Variants in BNC2 observed in about 807,000 individuals in gnomAD.
The protein encoded by BNC2 is zinc finger protein basonuclin-2.
BNC2 carries 20 observed loss-of-function variants against 76.3 expected under a neutral mutation model. The observed-to-expected ratio is 0.26, with a 90% CI of 0.18 to 0.38. The LOEUF (loss-of-function observed/expected upper bound fraction) is 0.38. Among genes scored for constraint, BNC2 ranks in the 10% least tolerant of loss-of-function variants. The pLI, the probability that BNC2 is intolerant of heterozygous loss-of-function variation, is 1.00. For synonymous variants in BNC2, 582 were observed against 514.8 expected, an observed-to-expected ratio of 1.13 and a Z score of -1.77; for missense variants, 1,382 against 1,399.8, an observed-to-expected ratio of 0.99 and a Z score of 0.20.
chr9:16,487,479 A>C (rs79668110), intron 5 of BNC2, among the ~76,000 whole-genome samples: 2,634 of 152,334 alleles, frequency 0.017, 75 homozygotes, highest in African/African-American at 0.059. Context: ...TTATTACAGT[A>C]CTGCACAGTG....
In BNC2 at chr9:16,830,122, A is replaced by G. The variant is rs544747718; in HGVS notation, c.3+40524T>C. Among the ~76,000 whole-genome samples the G allele has an allele frequency of 5.3e-5, 8 of 152,374 alleles. No homozygotes were observed. In the South Asian group the frequency reaches 1.7e-3, roughly 32 times the overall value. ...AAAAGCTTTTGAAACAACATATTCC[A>G]TATTTTCTTTCAAAAACTCCACACA... On this transcript the variant is annotated intron_variant, in intron 1 of 6. Coordinates refer to ENST00000380672, the MANE Select transcript of BNC2 (RefSeq NM_017637.6).
rs1452027681 is a variant in BNC2, at chr9:16,436,558, G to C, written c.1636C>G (p.Leu546Val). Residue 546 changes from leucine to valine, a missense_variant, in exon 6 of 7, where the codon CTA (leucine) becomes GTA (valine). Leu to Val is a conservative substitution (Grantham distance 32, BLOSUM62 1). Around this residue, in one of 3 missense-constraint regions of BNC2, gnomAD observed 798 missense variants for 775.5 expected, o/e 1.03. Transcript: ENST00000380672. ...AGAGGATTTTGCAAGACAGGGTCTA[G>C]AGGGGGAGTGGTAAAACCCATTGGG... Reference protein sequence around the residue: ...RPPMGFTTPPLDPVLQNPLPS... With the variant: ...RPPMGFTTPPVDPVLQNPLPS... 8.1e-6 allele frequency: 13 copies of C among 1,614,154 alleles called. No individual in the cohort carries two copies. The highest frequency in any genetic ancestry group is 1.1e-5 in the Non-Finnish European group (13 of 1,180,022).
chr9:16,471,619 G>A lies in BNC2; in HGVS notation c.670-34095C>T, dbSNP rs539748863. On this transcript the variant is annotated intron_variant, in intron 5 of 6. Coordinates refer to ENST00000380672, the MANE Select transcript of BNC2 (RefSeq NM_017637.6). ...TTGCTTTTGATTTTACAGGCCTGTA[G>A]GCGGAAGGGACTTTAGCCTTGTCTC... is the stretch of plus-strand genomic sequence containing the variant. Among the ~76,000 whole-genome samples the A allele has an allele frequency of 2.6e-5, 4 of 152,290 alleles. No homozygotes were observed. The South Asian group carries it at 6.2e-4, about 24-fold the overall frequency.
At chr9:16,761,618 T>C (rs1044921165) in intron 1 of BNC2, among the ~76,000 whole-genome samples, 1 of 152,202 alleles carries the variant, frequency 6.6e-6, no homozygotes, top group African/African-American at 2.4e-5. Flanking sequence ...TAAAGCAACA[T>C]ACTCGTAAGT....
chr9:16,455,230 G>A, intron 5 of BNC2, among the ~76,000 whole-genome samples: 1 of 152,198 alleles, frequency 6.6e-6, no homozygotes, highest in South Asian at 2.1e-4. Flanking sequence ...CCTGGCCAGA[G>A]TTTGAGATAT....
At chr9:16,636,437 G>A (rs1774388164) in intron 3 of BNC2, among the ~76,000 whole-genome samples, 2 of 151,846 alleles carry the variant, frequency 1.3e-5, no homozygotes, top group South Asian at 4.2e-4. Context: ...CAAGTAGCTG[G>A]GACTATAAGA....
intron 4 of BNC2, among the ~76,000 whole-genome samples, chr9:16,573,264 A>C (rs138425366): frequency 1.3e-3 from 199 of 152,016 alleles, no homozygotes; most frequent in African/African-American, 4.5e-3. Flanking sequence ...AAGAAATATA[A>C]TTCAAGCCAA....
At chr9:16,685,815 A>C (rs1405861474) in intron 3 of BNC2, among the ~76,000 whole-genome samples, 1 of 152,218 alleles carries the variant, frequency 6.6e-6, no homozygotes, top group Non-Finnish European at 1.5e-5. Flanking sequence ...AAGTTTATTA[A>C]CTACCAGAAG....
intron 1 of BNC2, among the ~76,000 whole-genome samples, chr9:16,842,735 G>C (rs191150546): frequency 1.8e-4 from 28 of 152,084 alleles, no homozygotes; most frequent in Admixed American, 1.6e-3. Flanking sequence ...TCTTGTGTAA[G>C]CCTGAACTTA....
At chr9:16,480,647 C>T (rs971294603) in intron 5 of BNC2, among the ~76,000 whole-genome samples, 1 of 152,224 alleles carries the variant, frequency 6.6e-6, no homozygotes, top group Non-Finnish European at 1.5e-5. Flanking sequence ...GGGTTTAGCA[C>T]CCGGGCCAGC....
chr9:16,867,306 A>G (rs1819565943), intron 1 of BNC2: 1 of 151,904 alleles, frequency 6.6e-6, no homozygotes, highest in Non-Finnish European at 1.5e-5. Context: ...TTCATGTACC[A>G]TAGTATTTAT....
chr9:16,845,547 C>T (rs1332927742), intron 1 of BNC2, among the ~76,000 whole-genome samples: 6 of 151,676 alleles, frequency 4.0e-5, no homozygotes, highest in Admixed American at 1.3e-4. Context: ...CAGTGAAACC[C>T]CATCTCTACT....
At chr9:16,715,932 G>T (rs1338334061) in intron 3 of BNC2, among the ~76,000 whole-genome samples, 1 of 152,192 alleles carries the variant, frequency 6.6e-6, no homozygotes, top group Non-Finnish European at 1.5e-5. Flanking sequence ...ACAATGGGAA[G>T]CAAGTTTCAT....
chr9:16,800,365 T>C (rs1304863561), intron 1 of BNC2, among the ~76,000 whole-genome samples: 6 of 152,108 alleles, frequency 3.9e-5, no homozygotes, highest in Non-Finnish European at 8.8e-5. Flanking sequence ...CATGTCTTTT[T>C]GCATAGTATA....
At chr9:16,722,836 ATC>A (rs908613111) in intron 3 of BNC2, among the ~76,000 whole-genome samples, 1 of 152,208 alleles carries the variant, frequency 6.6e-6, no homozygotes, top group Non-Finnish European at 1.5e-5. Flanking sequence ...ATGAGACGGT[ATC>A]TCTTATGTGA....
chr9:16,529,117 C>A (rs1817900842), intron 5 of BNC2, among the ~76,000 whole-genome samples: 1 of 152,160 alleles, frequency 6.6e-6, no homozygotes, highest in African/African-American at 2.4e-5. Context: ...CACGGATACA[C>A]AGGATGGTAG....
intron 1 of BNC2, among the ~76,000 whole-genome samples, chr9:16,754,660 C>T (rs983341488): frequency 1.1e-4 from 16 of 152,102 alleles, no homozygotes; most frequent in Non-Finnish European, 1.8e-4. Flanking sequence ...CAGGTTCAAG[C>T]GATTCTCCTG....
At chr9:16,856,339 C>T (rs763109447) in intron 1 of BNC2, among the ~76,000 whole-genome samples, 10 of 151,960 alleles carry the variant, frequency 6.6e-5, no homozygotes, top group Non-Finnish European at 2.9e-5. Context: ...GTCCTTTGTA[C>T]ACAAATATGT....
intron 3 of BNC2, among the ~76,000 whole-genome samples, chr9:16,631,061 A>C (rs961937480): frequency 2.6e-5 from 4 of 152,092 alleles, no homozygotes; most frequent in African/African-American, 9.7e-5. Flanking sequence ...TAAAATCAAA[A>C]ATTGATTTAC....
Sources: gnomAD v4.1 joint callset for allele counts (sites outside exome capture counted in the v4.1 genomes callset) on GRCh38, gnomAD v4.1.1 for gene constraint, gnomAD v4.1.1 regional missense constraint, MANE v1.5 for transcripts, NCBI Gene and HGNC (gene_info 2026-07-23, HGNC 2026-07-21) for gene names.